RAP1GAP2: variants seen among roughly 807,000 people sequenced by gnomAD.
The protein encoded by RAP1GAP2 is RAP1 GTPase activating protein 2.
A neutral mutation model predicts 95.0 loss-of-function variants in RAP1GAP2; 27 were observed. The ratio of observed to expected loss-of-function variants is 0.28; its 90% CI spans 0.21 to 0.39. The LOEUF (loss-of-function observed/expected upper bound fraction) is 0.39, where lower values mean the gene tolerates loss of function less well. Among genes scored for constraint, RAP1GAP2 ranks in the 10% least tolerant of loss-of-function variants. The pLI, the probability that RAP1GAP2 is intolerant of heterozygous loss-of-function variation, is 1.00. For missense variants in RAP1GAP2, 771 were observed against 970.0 expected (o/e 0.79, Z 2.72); for synonymous variants, 373 against 380.9 (o/e 0.98, Z 0.24).
intron 1 of RAP1GAP2, among the ~76,000 whole-genome samples, chr17:2,762,482 C>G (rs2071274277): frequency 6.6e-6 from 1 of 150,684 alleles, no homozygotes; most frequent in Non-Finnish European, 1.5e-5. Flanking sequence ...ACTGCAACCT[C>G]CACCTCCCAG....
intron 1 of RAP1GAP2, among the ~76,000 whole-genome samples, chr17:2,769,110 C>T (rs1215913396): frequency 2.0e-5 from 3 of 151,588 alleles, no homozygotes; most frequent in Non-Finnish European, 2.9e-5. Flanking sequence ...CTTGTGCCTG[C>T]AGTCCTAGCT....
intron 2 of RAP1GAP2, among the ~76,000 whole-genome samples, chr17:2,858,146 T>G (rs549211573): frequency 2.6e-5 from 4 of 152,270 alleles, no homozygotes. Context: ...CACTGTGGCC[T>G]TGGGTGTGAC....
At chr17:2,949,123 G>A (rs1425792561) in intron 3 of RAP1GAP2, among the ~76,000 whole-genome samples, 3 of 152,182 alleles carry the variant, frequency 2.0e-5, no homozygotes, top group Admixed American at 6.5e-5. Flanking sequence ...GGGCCCAGAC[G>A]GAGTTCCTCA....
chr17:3,008,118 C>T lies in RAP1GAP2; in HGVS notation c.1467C>T (p.Gly489=). Residue 489 remains glycine, a synonymous_variant, in exon 17 of 25, where the codon GGC becomes GGT. Coordinates refer to ENST00000254695, the MANE Select transcript of RAP1GAP2 (RefSeq NM_015085.5). This position sits in a 1 kb window ranked among gnomAD's most constrained non-coding sequence, Gnocchi z 4.2. ...AGGAGGACAAGTTTGAGAATGGAGGCCACGGGGGGTTCCTGGAGTCTTTTA... is the reference window on the plus strand; with the variant it reads ...AGGAGGACAAGTTTGAGAATGGAGGTCACGGGGGGTTCCTGGAGTCTTTTA... ...GPEEDKFENG[G]HGGFLESFKR... is the part of the protein sequence containing the mutation. 1 of 1,613,948 alleles carries T rather than the reference C, an allele frequency of 6.2e-7. No homozygotes were observed. The highest frequency in any genetic ancestry group is 1.1e-5 in the South Asian group (1 of 91,084).
chr17:2,831,765 C>T (rs1298281459), intron 2 of RAP1GAP2, among the ~76,000 whole-genome samples: 1 of 152,074 alleles, frequency 6.6e-6, no homozygotes, highest in African/African-American at 2.4e-5. Context: ...TGTGGTGGTG[C>T]ACACCTGTAA....
At chr17:2,801,970 G>A (rs1207105877) in intron 2 of RAP1GAP2, among the ~76,000 whole-genome samples, 1 of 152,198 alleles carries the variant, frequency 6.6e-6, no homozygotes, top group Non-Finnish European at 1.5e-5. Context: ...CTCCCATGAG[G>A]CAATGAGTAC....
intron 2 of RAP1GAP2, among the ~76,000 whole-genome samples, chr17:2,803,011 G>T (rs559663431): frequency 6.6e-6 from 1 of 152,286 alleles, no homozygotes; most frequent in Admixed American, 6.5e-5. Flanking sequence ...TGAGTGAGAC[G>T]CCAGGCATGA....
intron 2 of RAP1GAP2, among the ~76,000 whole-genome samples, chr17:2,823,757 C>T (rs539202000): frequency 3.3e-5 from 5 of 152,184 alleles, no homozygotes; most frequent in South Asian, 4.1e-4. Context: ...AATAAGGCAG[C>T]GGGAAAGGGT....
chr17:2,780,393 C>T (rs902632019), intron 1 of RAP1GAP2, among the ~76,000 whole-genome samples: 4 of 152,242 alleles, frequency 2.6e-5, no homozygotes, highest in Non-Finnish European at 4.4e-5. Flanking sequence ...ACCTGCCCCT[C>T]CCAGGCCACC....
At chr17:2,953,584 C>T (rs540297418) in intron 3 of RAP1GAP2, among the ~76,000 whole-genome samples, 9 of 152,258 alleles carry the variant, frequency 5.9e-5, no homozygotes, top group African/African-American at 2.2e-4. Flanking sequence ...CGATGGCTCA[C>T]GCTTGTCATC....
At position 3,035,898 on chromosome 17, in the gene RAP1GAP2, T is replaced by A. The variant is rs1276681806; in HGVS notation, c.*2537T>A. The A allele has an allele frequency of 6.6e-6, 1 of 152,252 alleles. No homozygotes were observed. The highest frequency in any genetic ancestry group is 1.5e-5 in the Non-Finnish European group (1 of 68,072). The allele number at this position is 152,252 out of a possible 1,614,324, so 9.4% of individuals were successfully genotyped here. On this transcript the variant is annotated 3_prime_UTR_variant, in exon 25 of 25. Transcript: ENST00000254695. This position sits in a 1 kb window ranked among gnomAD's most constrained non-coding sequence, Gnocchi z 4.3. ...GGCTCAAAGATTTGCCCAAACCTCA[T>A]TGGCCCTCGTGACTAGGCTCATCTA...
chr17:2,959,201 C>G (rs1241779356), intron 4 of RAP1GAP2, among the ~76,000 whole-genome samples: 1 of 152,150 alleles, frequency 6.6e-6, no homozygotes, highest in African/African-American at 2.4e-5. Flanking sequence ...GCTGGAGTCC[C>G]CTTCCCACAA....
At chr17:2,940,326 G>A (rs1321141737) in intron 3 of RAP1GAP2, among the ~76,000 whole-genome samples, 1 of 152,186 alleles carries the variant, frequency 6.6e-6, no homozygotes, top group East Asian at 1.9e-4. Flanking sequence ...CCCTGGCTTG[G>A]AGATTCGAGG....
Position 3,008,003 on chromosome 17 carries a change from C to A in RAP1GAP2, c.1360-8C>A. Reference sequence around the variant, plus strand: ...CAGCTTCTCCATCCCCACCCTCTTCCCTTCTAGGACCGGACCAGGGCTGCC... The same window carrying A: ...CAGCTTCTCCATCCCCACCCTCTTCACTTCTAGGACCGGACCAGGGCTGCC... On this transcript the variant is annotated splice_region_variant and splice_polypyrimidine_tract_variant and intron_variant, in intron 16 of 24. Coordinates refer to ENST00000254695, the MANE Select transcript of RAP1GAP2 (RefSeq NM_015085.5). This position sits in a 1 kb window ranked among gnomAD's most constrained non-coding sequence, Gnocchi z 4.2. 6.2e-7 allele frequency: 1 copy of A among 1,613,188 alleles called. No homozygotes were observed. Among genetic ancestry groups the A allele is most frequent in the Non-Finnish European group, 8.5e-7 (1 of 1,179,356 alleles).
At chr17:3,018,776 G>A (rs2046861995) in intron 18 of RAP1GAP2, among the ~76,000 whole-genome samples, 1 of 152,136 alleles carries the variant, frequency 6.6e-6, no homozygotes, top group Non-Finnish European at 1.5e-5. Context: ...TAAGAGCTGG[G>A]ATTTGAGGCC....
intron 18 of RAP1GAP2, 55 bp from the exon 19 acceptor site, chr17:3,020,422 G>A: frequency 7.1e-7 from 1 of 1,404,746 alleles, no homozygotes; most frequent in Non-Finnish European, 1.0e-6. Flanking sequence ...AGGATGAGGG[G>A]ATAGGAGATC....
At chr17:2,783,769 G>C (rs1404215717) in intron 1 of RAP1GAP2, among the ~76,000 whole-genome samples, 2 of 152,202 alleles carry the variant, frequency 1.3e-5, no homozygotes, top group Non-Finnish European at 2.9e-5. Context: ...TCAAGGTCTA[G>C]GGGCTGAAGC....
At position 2,871,333 on chromosome 17, in the gene RAP1GAP2, A is replaced by G. The variant is rs1042295152; in HGVS notation, c.81-33951A>G. Among the ~76,000 whole-genome samples, 1 of 152,178 alleles carries G rather than the reference A, an allele frequency of 6.6e-6. No individual in the cohort carries two copies. The highest frequency in any genetic ancestry group is 1.5e-5 in the Non-Finnish European group (1 of 68,024). On this transcript the variant is annotated intron_variant, in intron 2 of 24. Transcript: ENST00000254695. This position sits in a 1 kb window ranked among gnomAD's most constrained non-coding sequence, Gnocchi z 5.0. ...CTTTCCAACAGCTCTGGTTAGATAC[A>G]TTCCAGGGAGGAGTTCTGATTGGCC... is the stretch of plus-strand genomic sequence containing the variant.
At chr17:2,891,603 G>A (rs1418309803) in intron 2 of RAP1GAP2, among the ~76,000 whole-genome samples, 3 of 150,578 alleles carry the variant, frequency 2.0e-5, no homozygotes, top group South Asian at 2.1e-4. Flanking sequence ...TCTAGTGATA[G>A]TATCCTCCCA....
Sources: allele counts gnomAD v4.1 joint callset (sites outside exome capture counted in the v4.1 genomes callset), GRCh38; gene constraint gnomAD v4.1.1; non-coding constraint Gnocchi (gnomAD v3.1); transcripts MANE v1.5; gene names NCBI Gene and HGNC (gene_info 2026-07-23, HGNC 2026-07-21).